Variants in FBXL20 observed in about 807,000 individuals in gnomAD.
FBXL20 encodes F-box/LRR-repeat protein 20.
FBXL20 carries 11 observed loss-of-function variants against 64.0 expected under a neutral mutation model. The observed-to-expected ratio is 0.17, with a 90% confidence interval of 0.11 to 0.28. The LOEUF is 0.28. Among genes scored for constraint, FBXL20 ranks in the 10% least tolerant of loss-of-function variants. The pLI, the probability that FBXL20 is intolerant of heterozygous loss-of-function variation, is 1.00. For synonymous variants in FBXL20, 184 were observed against 189.0 expected (o/e 0.97, Z 0.22); for missense variants, 303 against 526.2 (o/e 0.58, Z 4.15).
intron 2 of FBXL20, among the ~76,000 whole-genome samples, chr17:39,311,245 T>C: frequency 6.6e-6 from 1 of 152,202 alleles, no homozygotes; most frequent in East Asian, 1.9e-4. Context: ...TTTTGCTCAG[T>C]AACAAAACTT....
At chr17:39,398,867 G>A (rs932372843) in intron 1 of FBXL20, among the ~76,000 whole-genome samples, 63 of 151,954 alleles carry the variant, frequency 4.1e-4, no homozygotes, top group Non-Finnish European at 1.3e-4. Context: ...TAGAGACCGG[G>A]TTTCACCAGG....
intron 6 of FBXL20, among the ~76,000 whole-genome samples, chr17:39,287,076 C>T (rs1446568904): frequency 1.3e-5 from 2 of 151,630 alleles, no homozygotes; most frequent in Non-Finnish European, 2.9e-5. Context: ...CCATGCCCAG[C>T]TAATTTTTCT....
intron 1 of FBXL20, among the ~76,000 whole-genome samples, chr17:39,370,266 G>A (rs985854460): frequency 4.0e-5 from 6 of 151,380 alleles, no homozygotes; most frequent in Non-Finnish European, 5.9e-5. Context: ...CGGGGCGGGC[G>A]GATCATCTGA....
At chr17:39,267,188 G>A (rs1268352839) in intron 12 of FBXL20, among the ~76,000 whole-genome samples, 3 of 152,004 alleles carry the variant, frequency 2.0e-5, no homozygotes, top group Admixed American at 6.6e-5. Context: ...GGAAGTGGAG[G>A]TTGCAGTGAG....
intron 1 of FBXL20, among the ~76,000 whole-genome samples, chr17:39,396,656 A>G (rs1348656504): frequency 1.3e-5 from 2 of 151,398 alleles, no homozygotes; most frequent in African/African-American, 4.9e-5. Context: ...CAAAAAATTA[A>G]GATTAATATG....
At chr17:39,284,234 G>T (rs920820248) in intron 7 of FBXL20, among the ~76,000 whole-genome samples, 3 of 152,158 alleles carry the variant, frequency 2.0e-5, no homozygotes, top group Non-Finnish European at 4.4e-5. Flanking sequence ...GATCATTTAT[G>T]TGAAAATATT....
rs369912448 is a variant in FBXL20 at position 39,280,401 on chromosome 17, CAAA to C, written c.696+985_696+987del. Among the ~76,000 whole-genome samples, 207 of 100,332 alleles carry C rather than the reference CAAA, an allele frequency of 2.1e-3. 1 individual carries two copies. Among genetic ancestry groups the C allele is most frequent in the Middle Eastern group, 5.2e-3 (1 of 194 alleles). 65.8% of individuals were successfully genotyped at this position (100,332 alleles called of 152,430 possible). ...TGGGCGACACAGTGAGACTCTGTCT[CAAA>C]AAAAAAAAAAAAAAAAAAGTAGCTG... On this transcript the variant is annotated intron_variant, in intron 9 of 14. Transcript: ENST00000264658.
intron 2 of FBXL20, among the ~76,000 whole-genome samples, chr17:39,325,660 T>C (rs570334465): frequency 4.4e-4 from 67 of 152,160 alleles, no homozygotes; most frequent in Middle Eastern, 3.4e-3. Context: ...ACATTGTAAA[T>C]TGTAGAGAGA....
chr17:39,314,058 G>C (rs2047261926), intron 2 of FBXL20, among the ~76,000 whole-genome samples: 1 of 152,066 alleles, frequency 6.6e-6, no homozygotes, highest in African/African-American at 2.4e-5. Flanking sequence ...AATCTCAAAA[G>C]ATTCCCTGTA....
intron 1 of FBXL20, among the ~76,000 whole-genome samples, chr17:39,386,308 A>AAAATAAAT (rs368351934): frequency 1.3e-5 from 2 of 151,216 alleles, no homozygotes; most frequent in Admixed American, 6.6e-5. Flanking sequence ...CTCTGTCTCA[A>AAAATAAAT]AAATAAATAA....
At chr17:39,330,615 A>G (rs562528756) in intron 2 of FBXL20, among the ~76,000 whole-genome samples, 1 of 152,336 alleles carries the variant, frequency 6.6e-6, no homozygotes, top group Non-Finnish European at 1.5e-5. Context: ...ACTCCATCTC[A>G]AAAATAATCA....
At chr17:39,336,423 T>C (rs928858958) in intron 2 of FBXL20, among the ~76,000 whole-genome samples, 1 of 151,682 alleles carries the variant, frequency 6.6e-6, no homozygotes, top group Non-Finnish European at 1.5e-5. Flanking sequence ...AAATAAGCAG[T>C]GAGGGTAACA....
intron 9 of FBXL20, 32 bp downstream of exon 9, chr17:39,281,357 A>G: frequency 6.3e-7 from 1 of 1,597,166 alleles, no homozygotes; most frequent in Non-Finnish European, 8.5e-7. Flanking sequence ...ATGAATTACT[A>G]AAACAGAAGA....
At chr17:39,397,208 A>AT (rs914699511) in intron 1 of FBXL20, among the ~76,000 whole-genome samples, 9 of 152,128 alleles carry the variant, frequency 5.9e-5, no homozygotes, top group African/African-American at 2.2e-4. Context: ...GCCCAGCCAG[A>AT]TTTTTGTTAC....
At chr17:39,338,079 C>G (rs796571262) in intron 2 of FBXL20, among the ~76,000 whole-genome samples, 5 of 152,132 alleles carry the variant, frequency 3.3e-5, no homozygotes, top group South Asian at 4.2e-4. Flanking sequence ...GACAATGGCG[C>G]TTTTGTGGAA....
At chr17:39,385,239 G>A (rs532351288) in intron 1 of FBXL20, among the ~76,000 whole-genome samples, 48 of 150,916 alleles carry the variant, frequency 3.2e-4, no homozygotes, top group South Asian at 2.1e-3. Context: ...ACACACGCGC[G>A]TGCGTGCACA....
chr17:39,379,425 T>G (rs2048001248), intron 1 of FBXL20, among the ~76,000 whole-genome samples: 1 of 143,874 alleles, frequency 7.0e-6, no homozygotes. Context: ...ATCGCCTCAG[T>G]TCGAGAGGCC....
intron 1 of FBXL20, among the ~76,000 whole-genome samples, chr17:39,393,321 A>G (rs924544555): frequency 2.0e-5 from 3 of 151,834 alleles, no homozygotes; most frequent in Non-Finnish European, 4.4e-5. Context: ...AATAATAATT[A>G]AATAAATAAA....
chr17:39,277,083 G>A (rs970131850), intron 9 of FBXL20, among the ~76,000 whole-genome samples: 1 of 152,106 alleles, frequency 6.6e-6, no homozygotes, highest in South Asian at 2.1e-4. Flanking sequence ...AAATTACAAG[G>A]ACAACTGAAA....
Sources: allele counts gnomAD v4.1 joint callset (sites outside exome capture counted in the v4.1 genomes callset), GRCh38; gene constraint gnomAD v4.1.1; transcripts MANE v1.5; gene names NCBI Gene and HGNC (gene_info 2026-07-23, HGNC 2026-07-21).